The following PPARGC1A variants were observed in gnomAD, a reference collection of about 807,000 sequenced individuals.
The protein encoded by PPARGC1A is PPARG coactivator 1 alpha.
In PPARGC1A, 25 loss-of-function variants were observed where a neutral mutation model predicts 88.7. The ratio of observed to expected loss-of-function variants is 0.28; its 90% CI spans 0.21 to 0.39. PPARGC1A has a LOEUF of 0.39. Ranked by LOEUF, PPARGC1A falls within the 10% of genes least tolerant of loss-of-function variation. The probability of loss-of-function intolerance (pLI) is 1.00; values close to 1 mark genes in which losing one functional copy is unlikely to be tolerated. For synonymous variants in PPARGC1A, 363 were observed against 355.6 expected, an observed-to-expected ratio of 1.02 and a Z score of -0.24; for missense variants, 880 against 968.7, an observed-to-expected ratio of 0.91 and a Z score of 1.22.
chr4:24,104,319 G>A, the PPARGC1A span, among the ~76,000 whole-genome samples: 1 of 152,150 alleles, frequency 6.6e-6, no homozygotes, highest in Non-Finnish European at 1.5e-5. Context: ...TATTTTAAGA[G>A]AGATCTGTGC....
chr4:24,328,880 T>C, the PPARGC1A span, among the ~76,000 whole-genome samples: 1 of 152,118 alleles, frequency 6.6e-6, no homozygotes, highest in Admixed American at 6.5e-5. Context: ...CTTTCACGGG[T>C]GCTGGAAAAT....
the PPARGC1A span, among the ~76,000 whole-genome samples, chr4:24,246,189 T>C: frequency 1.3e-5 from 2 of 152,192 alleles, no homozygotes; most frequent in Non-Finnish European, 2.9e-5. Flanking sequence ...TTTCCTATAA[T>C]TCAATAATAT....
the PPARGC1A span, among the ~76,000 whole-genome samples, chr4:24,025,978 G>T: frequency 2.0e-5 from 3 of 152,086 alleles, no homozygotes; most frequent in Non-Finnish European, 2.9e-5. Context: ...GTAAATGTGT[G>T]GTCCATGATT....
At chr4:24,099,065 T>C in the PPARGC1A span, among the ~76,000 whole-genome samples, 3,064 of 152,222 alleles carry the variant, frequency 0.02, 57 homozygotes, top group Middle Eastern at 0.041. Context: ...ACACAGGGTA[T>C]TGCCTTAGCA....
the PPARGC1A span, among the ~76,000 whole-genome samples, chr4:24,436,484 A>G: frequency 6.6e-6 from 1 of 150,780 alleles, no homozygotes; most frequent in East Asian, 1.9e-4. Context: ...CACAGCTGAC[A>G]TCAATTGGCC....
chr4:24,425,613 A>G, the PPARGC1A span, among the ~76,000 whole-genome samples: 1,366 of 152,368 alleles, frequency 9.0e-3, 20 homozygotes, highest in African/African-American at 0.03. Context: ...AAATAGCTAC[A>G]TAGCATGCAT....
At chr4:23,914,095 A>C in the PPARGC1A span, among the ~76,000 whole-genome samples, 2 of 152,204 alleles carry the variant, frequency 1.3e-5, no homozygotes, top group Non-Finnish European at 2.9e-5. Context: ...CCTTTAAATG[A>C]ATCTTTATTG....
chr4:23,971,461 C>T, the PPARGC1A span, among the ~76,000 whole-genome samples: 2 of 152,124 alleles, frequency 1.3e-5, no homozygotes, highest in African/African-American at 2.4e-5. Context: ...GTAGTATTAA[C>T]TCACATGATC....
chr4:23,953,299 G>A, the PPARGC1A span, among the ~76,000 whole-genome samples: 1 of 152,048 alleles, frequency 6.6e-6, no homozygotes, highest in Non-Finnish European at 1.5e-5. Context: ...TAGCTATCTA[G>A]CATTTCTGAA....
the PPARGC1A span, among the ~76,000 whole-genome samples, chr4:24,225,714 G>C: frequency 6.6e-6 from 1 of 152,128 alleles, no homozygotes; most frequent in African/African-American, 2.4e-5. Context: ...ATGGAAAATG[G>C]AGCTTCTAGG....
chr4:24,327,309 TG>T, the PPARGC1A span, among the ~76,000 whole-genome samples: 1 of 152,338 alleles, frequency 6.6e-6, no homozygotes, highest in South Asian at 2.1e-4. Context: ...TCCTATTCAC[TG>T]TTCTCAACTA....
chr4:24,148,741 G>T, the PPARGC1A span, among the ~76,000 whole-genome samples: 1 of 152,210 alleles, frequency 6.6e-6, no homozygotes, highest in Non-Finnish European at 1.5e-5. Flanking sequence ...TAAGTCAGGT[G>T]AACTGATTAC....
chr4:23,882,272 C>T (rs1472129552), intron 2 of PPARGC1A: 1 of 152,154 alleles, frequency 6.6e-6, no homozygotes, highest in South Asian at 2.1e-4. Flanking sequence ...CCAGGCATCC[C>T]GATATCGTTA....
upstream of PPARGC1A, among the ~76,000 whole-genome samples, chr4:23,894,923 A>T (rs995920706): frequency 6.6e-6 from 1 of 152,162 alleles, no homozygotes; most frequent in Non-Finnish European, 1.5e-5. Context: ...TAATGCAGAC[A>T]GTTATTGATT....
At chr4:24,011,322 G>A in the PPARGC1A span, among the ~76,000 whole-genome samples, 1 of 151,984 alleles carries the variant, frequency 6.6e-6, no homozygotes, top group African/African-American at 2.4e-5. Flanking sequence ...GGGCTTGGAG[G>A]AAACAAGACA....
chr4:24,264,019 G>A, the PPARGC1A span, among the ~76,000 whole-genome samples: 1 of 152,066 alleles, frequency 6.6e-6, no homozygotes, highest in Non-Finnish European at 1.5e-5. Flanking sequence ...CCAAAGTGCT[G>A]GGATTACAGG....
the PPARGC1A span, among the ~76,000 whole-genome samples, chr4:23,974,079 G>A: frequency 3.3e-5 from 5 of 152,152 alleles, no homozygotes; most frequent in African/African-American, 4.8e-5. Flanking sequence ...GAGAGGAGTA[G>A]CAGTAGAGAA....
chr4:23,823,805 A>G (rs1333270025), intron 7 of PPARGC1A, among the ~76,000 whole-genome samples: 3 of 152,134 alleles, frequency 2.0e-5, no homozygotes, highest in Admixed American at 2.0e-4. Context: ...ACCTTTCATA[A>G]GAAGGTAATT....
At chr4:23,891,308 T>G (rs1360113543), upstream of PPARGC1A, among the ~76,000 whole-genome samples, 2 of 152,206 alleles carry the variant, frequency 1.3e-5, no homozygotes, top group Non-Finnish European at 2.9e-5. Context: ...CATAAAATGT[T>G]AAACCCAATA....
Sources: gnomAD v4.1 joint callset for allele counts (sites outside exome capture counted in the v4.1 genomes callset) on GRCh38, gnomAD v4.1.1 for gene constraint, MANE v1.5 for transcripts, NCBI Gene and HGNC (gene_info 2026-07-23, HGNC 2026-07-21) for gene names.